The following RC3H1 variants were observed in gnomAD, a reference collection of about 807,000 sequenced individuals.
RC3H1 encodes roquin-1.
Under a neutral mutation model 138.2 loss-of-function variants are expected in RC3H1, and 50 were observed. The ratio of observed to expected loss-of-function variants is 0.36; its 90% CI spans 0.29 to 0.46. RC3H1 has a LOEUF of 0.46. RC3H1 is among the 20% of genes least tolerant of loss of function. RC3H1 has a pLI of 1.00. For synonymous variants in RC3H1, 462 were observed against 489.1 expected, an observed-to-expected ratio of 0.94 and a Z score of 0.73; for missense variants, 1,031 against 1,388.1, an observed-to-expected ratio of 0.74 and a Z score of 4.09.
intron 2 of RC3H1, among the ~76,000 whole-genome samples, chr1:173,988,671 G>T (rs1476871965): frequency 6.6e-6 from 1 of 152,218 alleles, no homozygotes; most frequent in Non-Finnish European, 1.5e-5. Context: ...TTTCCAAAAA[G>T]ATGAGAGTTT....
intron 13 of RC3H1, among the ~76,000 whole-genome samples, chr1:173,952,402 T>TAAAAAA (rs35197109): frequency 6.4e-5 from 3 of 47,188 alleles, no homozygotes; most frequent in African/African-American, 1.6e-4. Context: ...TAGCAGAAGG[T>TAAAAAA]AAAAAAAAAA....
chr1:174,015,373 T>A (rs1170597753), intron 1 of RC3H1, among the ~76,000 whole-genome samples: 1 of 151,900 alleles, frequency 6.6e-6, no homozygotes, highest in Non-Finnish European at 1.5e-5. Context: ...CTACACTTTT[T>A]TTTTTTTTGA....
intron 14 of RC3H1, among the ~76,000 whole-genome samples, chr1:173,951,762 A>G (rs1464966462): frequency 6.6e-6 from 1 of 152,316 alleles, no homozygotes; most frequent in South Asian, 2.1e-4. Flanking sequence ...CTATTTGCAC[A>G]GAAATATAAT....
chr1:173,981,180 T>C (rs2103005994), intron 5 of RC3H1, among the ~76,000 whole-genome samples, 171 bp from the exon 6 acceptor site: 1 of 152,364 alleles, frequency 6.6e-6, no homozygotes, highest in East Asian at 1.9e-4. Context: ...TATATTGCTA[T>C]CATCCCATTC....
Position 173,987,083 on chromosome 1 carries a change from T to C in RC3H1, c.232-2464A>G, listed in dbSNP as rs148575892. 1.1e-3 allele frequency among the ~76,000 whole-genome samples: 173 copies of C among 152,298 alleles called. 1 individual carries two copies. The highest frequency in any genetic ancestry group is 4.1e-3 in the African/African-American group (169 of 41,570). ...ATTTTTTATCACATCATATCAAAGCTACACACCACCAACACAACTTATTAT... is the reference window on the plus strand; with the variant it reads ...ATTTTTTATCACATCATATCAAAGCCACACACCACCAACACAACTTATTAT... On this transcript the variant is annotated intron_variant, in intron 2 of 19. Transcript: ENST00000367696.
chr1:174,000,590 A>T (rs1661545602), intron 1 of RC3H1, among the ~76,000 whole-genome samples: 1 of 152,226 alleles, frequency 6.6e-6, no homozygotes, highest in Non-Finnish European at 1.5e-5. Flanking sequence ...CACTGTCTGT[A>T]AGAAGAAAAT....
chr1:173,972,975 T>G (rs1660430796), intron 7 of RC3H1, among the ~76,000 whole-genome samples: 3 of 152,210 alleles, frequency 2.0e-5, no homozygotes, highest in Non-Finnish European at 4.4e-5. Context: ...AAGAGTATGG[T>G]TATAACTCAG....
At chr1:173,949,074 T>C (rs1659263853) in intron 14 of RC3H1, among the ~76,000 whole-genome samples, 1 of 140,412 alleles carries the variant, frequency 7.1e-6, no homozygotes, top group Non-Finnish European at 1.5e-5. Context: ...GTAATTCTAC[T>C]GCAAAAAAAA....
chr1:173,961,877 C>T lies in RC3H1; in HGVS notation c.2050G>A (p.Glu684Lys). The change falls in exon 12 of 20, where the codon GAA becomes AAA. Residue 684 changes from glutamate (E) to lysine (K), a missense_variant. This residue lies in a region of RC3H1 where 716 missense variants were observed against 837.9 expected (regional missense o/e 0.85). Transcript: ENST00000367696. ...ATAGGGCTTTCTCGGAATATCTCTT[C>T]TCTTGTGTAAGACGGAGCAGGGTAC... Reference protein sequence around the residue: ...RVYPAPSYTREEIFRESPIPI... With the variant: ...RVYPAPSYTRKEIFRESPIPI... 1.9e-6 allele frequency: 3 copies of T among 1,614,112 alleles called. No individual in the cohort carries two copies. Among genetic ancestry groups the T allele is most frequent in the Non-Finnish European group, 2.5e-6 (3 of 1,180,036 alleles).
At chr1:173,978,653 G>A in intron 6 of RC3H1, 33 bp from the exon 7 acceptor site, 1 of 1,584,412 alleles carries the variant, frequency 6.3e-7, no homozygotes, top group Non-Finnish European at 8.6e-7. Context: ...TTTCCCAAAG[G>A]TCAGATAATC....
At chr1:173,991,240 T>G (rs1661276032) in intron 2 of RC3H1, among the ~76,000 whole-genome samples, 1 of 152,056 alleles carries the variant, frequency 6.6e-6, no homozygotes, top group African/African-American at 2.4e-5. Context: ...AGAAAGAAAT[T>G]ATGAAACACT....
chr1:173,969,309 A>T (rs535419992), intron 9 of RC3H1: 89 of 144,492 alleles, frequency 6.2e-4, no homozygotes, highest in African/African-American at 1.8e-3. Flanking sequence ...TATTTATATT[A>T]AAAAAAAAAA....
chr1:173,971,019 C>T (rs1037690614), intron 8 of RC3H1, among the ~76,000 whole-genome samples: 4 of 146,340 alleles, frequency 2.7e-5, no homozygotes, highest in Non-Finnish European at 5.9e-5. Context: ...TGGAGGGCAG[C>T]GGCGCAATCT....
rs1660316464 is a variant in RC3H1 at position 173,970,632 on chromosome 1, A to G, written c.1222-15T>C. On this transcript the variant is annotated splice_polypyrimidine_tract_variant and intron_variant, in intron 8 of 19. Coordinates refer to ENST00000367696, the MANE Select transcript of RC3H1 (RefSeq NM_172071.4). ...TGCTGTGGAGGCTAAAACCAAAATC[A>G]AAACATTAGATGTGTAATAACCCCC... 1.3e-6 allele frequency: 2 copies of G among 1,551,088 alleles called. No homozygotes were observed. Among genetic ancestry groups the G allele is most frequent in the African/African-American group, 1.4e-5 (1 of 73,536 alleles).
chr1:173,952,168 A>G, intron 13 of RC3H1, 30 bp from the exon 14 acceptor site: 1 of 1,494,852 alleles, frequency 6.7e-7, no homozygotes, highest in Non-Finnish European at 8.9e-7. Flanking sequence ...AAAAACAAAA[A>G]AAAAAAAAAG....
chr1:173,946,866 T>G, intron 15 of RC3H1, 30 bp from the exon 16 acceptor site: 1 of 1,408,394 alleles, frequency 7.1e-7, no homozygotes, highest in Non-Finnish European at 1.0e-6. Context: ...TATGGTATAA[T>G]TCACAGATTT....
chr1:173,970,084 A>G (rs1320707958), intron 9 of RC3H1, among the ~76,000 whole-genome samples: 1 of 152,170 alleles, frequency 6.6e-6, no homozygotes, highest in Non-Finnish European at 1.5e-5. Flanking sequence ...TGAGACCAGA[A>G]GTGTTTCAAG....
intron 2 of RC3H1, 25 bp downstream of exon 2, chr1:173,992,729 TA>T (rs1264360020): frequency 6.6e-7 from 1 of 1,522,794 alleles, no homozygotes; most frequent in Non-Finnish European, 9.1e-7. Flanking sequence ...GGGAGAAATT[TA>T]AAAGTATTAA....
rs958393081 is a variant in RC3H1 at position 173,934,699 on chromosome 1, A to G, written c.*4022T>C. The G allele has an allele frequency of 1.3e-5, 2 of 152,220 alleles. No individual in the cohort carries two copies. The highest frequency in any genetic ancestry group is 4.8e-5 in the African/African-American group (2 of 41,460). The allele number at this position is 152,220 out of a possible 1,614,324, so 9.4% of individuals were successfully genotyped here. A position where few individuals can be genotyped will look rare whatever the true frequency, so the allele number is the denominator to read the frequency against. On this transcript the variant is annotated 3_prime_UTR_variant, in exon 20 of 20. Transcript: ENST00000367696. ...ACACCATTAGAAAAGGCAACTTCAC[A>G]GAAGTTATTGGCTAAGCGAATTCAT... is the stretch of plus-strand genomic sequence containing the variant.
Sources: allele counts gnomAD v4.1 joint callset (sites outside exome capture counted in the v4.1 genomes callset), GRCh38; gene constraint gnomAD v4.1.1; regional missense constraint gnomAD v4.1.1; transcripts MANE v1.5; gene names NCBI Gene and HGNC (gene_info 2026-07-23, HGNC 2026-07-21).